The following ZNF326 variants were observed in gnomAD, a reference collection of about 807,000 sequenced individuals.
The protein encoded by ZNF326 is zinc finger protein 326, also known as DBIRD complex subunit ZNF326.
In ZNF326, 30 loss-of-function variants were observed where a neutral mutation model predicts 63.1. The ratio of observed to expected loss-of-function variants is 0.48; its 90% CI spans 0.36 to 0.64. The LOEUF (loss-of-function observed/expected upper bound fraction) is 0.64. ZNF326 is among the 30% of genes least tolerant of loss of function. ZNF326 has a pLI of 0.00. For missense variants in ZNF326, 609 were observed against 720.3 expected (o/e 0.85, Z 1.77); for synonymous variants, 194 against 228.2 (o/e 0.85, Z 1.35).
chr1:90,017,674 C>T (rs1570313739), intron 8 of ZNF326, among the ~76,000 whole-genome samples: 1 of 152,296 alleles, frequency 6.6e-6, no homozygotes, highest in East Asian at 1.9e-4. Flanking sequence ...TTACATTTTT[C>T]ACAGTTTCTG....
intron 11 of ZNF326, among the ~76,000 whole-genome samples, chr1:90,024,459 G>T (rs2816879): frequency 6.6e-6 from 1 of 152,048 alleles, no homozygotes; most frequent in Admixed American, 6.5e-5. Flanking sequence ...GGAATTGTGC[G>T]TGCCAGTCCT....
Position 90,027,506 on chromosome 1 carries a change from G to T in ZNF326, c.1554G>T (p.Val518=). Residue 518 remains valine, a synonymous_variant, in exon 12 of 12, where the codon GTG becomes GTT. Transcript: ENST00000340281. ...EAEEVGEVEE[V]EEVEEVREGG... Reference sequence around the variant, plus strand: ...AGGAAGTGGGGGAAGTAGAGGAAGTGGAAGAAGTAGAGGAAGTGAGAGAAG... The same window carrying T: ...AGGAAGTGGGGGAAGTAGAGGAAGTTGAAGAAGTAGAGGAAGTGAGAGAAG... 7 of 1,612,748 alleles carry T rather than the reference G, an allele frequency of 4.3e-6. No individual in the cohort carries two copies. Among genetic ancestry groups the T allele is most frequent in the Non-Finnish European group, 5.9e-6 (7 of 1,179,414 alleles).
chr1:90,018,734 CAAAT>C lies in ZNF326; in HGVS notation c.1127_1130del (p.Asn376IlefsTer5), dbSNP rs1649618533. 1.9e-6 allele frequency: 3 copies of C among 1,578,458 alleles called. No homozygotes were observed. The highest frequency in any genetic ancestry group is 2.3e-5 in the East Asian group (1 of 43,656). ...AAAACATCTATTCGTAAGCAACAGA[CAAAT>C]AATCAAACAGAAGTAGTTAAAATAA... On this transcript the variant is annotated frameshift_variant, in exon 9 of 12. Transcript: ENST00000340281. LOFTEE classifies it high-confidence loss of function.
At chr1:90,010,823 A>G (rs1649200108) in intron 6 of ZNF326, among the ~76,000 whole-genome samples, 1 of 152,172 alleles carries the variant, frequency 6.6e-6, no homozygotes, top group Non-Finnish European at 1.5e-5. Flanking sequence ...ATAATATAAA[A>G]TTTGAAAAAG....
At chr1:90,014,547 A>G (rs1243970836) in intron 7 of ZNF326, among the ~76,000 whole-genome samples, 1 of 152,234 alleles carries the variant, frequency 6.6e-6, no homozygotes, top group East Asian at 1.9e-4. Flanking sequence ...TGGTCAAAGG[A>G]CGCTTAAAAT....
Position 90,027,344 on chromosome 1 carries a change from A to G in ZNF326, c.1402-10A>G, listed in dbSNP as rs1650057942. On this transcript the variant is annotated splice_polypyrimidine_tract_variant and intron_variant, in intron 11 of 11. Coordinates refer to ENST00000340281, the MANE Select transcript of ZNF326 (RefSeq NM_182976.4). ...GTGCTGATTTTGAAAGCCATTTCTT[A>G]TGTTTTTAGGGTGAGAATCCTTTTG... The G allele has an allele frequency of 6.2e-7, 1 of 1,610,734 alleles. No homozygotes were observed.
chr1:90,012,679 C>G (rs952127033), intron 6 of ZNF326, among the ~76,000 whole-genome samples: 1 of 152,106 alleles, frequency 6.6e-6, no homozygotes, highest in Non-Finnish European at 1.5e-5. Context: ...AAGAAACTTT[C>G]TGAGAGCTCC....
chr1:89,995,410 A>T, intron 1 of ZNF326, 137 bp downstream of exon 1: 3 of 1,200,900 alleles, frequency 2.5e-6, no homozygotes, highest in South Asian at 1.7e-5. Flanking sequence ...CCCCGGGCCC[A>T]GCGCCCGGAG....
In ZNF326 at chr1:89,998,137, C is replaced by T. The variant is rs1195156282; in HGVS notation, c.44C>T (p.Thr15Ile). The T allele has an allele frequency of 6.2e-7, 1 of 1,613,084 alleles. No individual in the cohort carries two copies. The highest frequency in any genetic ancestry group is 8.5e-7 in the Non-Finnish European group (1 of 1,179,828). ...DDYTHSACRN[T>I]YQGFNGMDRD... ...TACACACACTCCGCCTGCAGGAATA[C>T]TTATCAGGGCTTTAATGGTAAGTAT... The change falls in exon 2 of 12, where the codon ACT becomes ATT. Residue 15 changes from threonine to isoleucine, a missense_variant. Thr to Ile is a moderately conservative substitution (Grantham distance 89). Coordinates refer to ENST00000340281, the MANE Select transcript of ZNF326 (RefSeq NM_182976.4).
intron 7 of ZNF326, among the ~76,000 whole-genome samples, chr1:90,015,577 G>A (rs1049814701): frequency 6.6e-5 from 10 of 152,172 alleles, no homozygotes; most frequent in African/African-American, 2.2e-4. Context: ...CCACTTGGGA[G>A]GCTGAGGTAG....
At chr1:90,005,267 C>T (rs1169481652) in intron 4 of ZNF326, 23 bp downstream of exon 4, 24 of 1,601,026 alleles carry the variant, frequency 1.5e-5, no homozygotes, top group Non-Finnish European at 2.0e-5. Context: ...ATCATTTGGC[C>T]AAATAATTAG....
rs1347781689 is a variant in ZNF326, at chr1:90,007,108, T to G, written c.210-237T>G. 6.6e-6 allele frequency among the ~76,000 whole-genome samples: 1 copy of G among 152,228 alleles called. No individual in the cohort carries two copies. The highest frequency in any genetic ancestry group is 1.5e-5 in the Non-Finnish European group (1 of 68,034). On this transcript the variant is annotated intron_variant, in intron 4 of 11. Transcript: ENST00000340281. This position sits in a 1 kb window ranked among gnomAD's most constrained non-coding sequence, Gnocchi z 4.9. ...AGAAAAGCTGCTAAGAAGCAGATTT[T>G]AAAGCTAAGTTTTACTAAACTCAAT... is the stretch of plus-strand genomic sequence containing the variant.
At chr1:90,001,990 A>C (rs1012631156) in intron 2 of ZNF326, among the ~76,000 whole-genome samples, 2 of 152,150 alleles carry the variant, frequency 1.3e-5, no homozygotes, top group Non-Finnish European at 2.9e-5. Context: ...ATTTGATTTA[A>C]ATTATTAGGT....
At chr1:90,021,057 C>G in intron 10 of ZNF326, 135 bp downstream of exon 10, 6 of 936,782 alleles carry the variant, frequency 6.4e-6, no homozygotes, top group Non-Finnish European at 9.5e-6. Context: ...TAAGTATACT[C>G]AGAGAGGCAG....
At chr1:90,005,847 A>G in intron 4 of ZNF326, 3 of 985,482 alleles carry the variant, frequency 3.0e-6, no homozygotes, top group South Asian at 4.7e-5. Context: ...GGCTAGAAGC[A>G]TTGTATTAAA....
At chr1:89,996,413 C>T (rs2101043904) in intron 1 of ZNF326, among the ~76,000 whole-genome samples, 1 of 152,276 alleles carries the variant, frequency 6.6e-6, no homozygotes, top group East Asian at 1.9e-4. Flanking sequence ...AGAATTAAAG[C>T]TTTCATATCT....
At chr1:90,018,160 C>T (rs1015515598) in intron 8 of ZNF326, among the ~76,000 whole-genome samples, 15 of 151,936 alleles carry the variant, frequency 9.9e-5, no homozygotes, top group African/African-American at 1.7e-4. Flanking sequence ...GGCGTGGTGG[C>T]GCGTGCCTGT....
intron 7 of ZNF326, among the ~76,000 whole-genome samples, chr1:90,014,104 CA>C (rs1649383370): frequency 6.6e-6 from 1 of 150,466 alleles, no homozygotes; most frequent in African/African-American, 2.4e-5. Flanking sequence ...AATGAAATAA[CA>C]ACAAAAATCA....
In ZNF326 at chr1:90,005,234, G is replaced by A. The variant is rs1209737529; in HGVS notation, c.199G>A (p.Gly67Arg). 1.9e-6 allele frequency: 3 copies of A among 1,610,516 alleles called. No individual in the cohort carries two copies. Among genetic ancestry groups the A allele is most frequent in the Non-Finnish European group, 2.5e-6 (3 of 1,178,988 alleles). ...CATGGACAATCACAGTGGTGGTGGT[G>A]GGGGTAGCAGGTAAATTGCTTAATC... ...YGMDNHSGGG[G>R]GSRFGPYESY... Residue 67 changes from glycine (G) to arginine (R), a missense_variant, in exon 4 of 12, where the codon GGG (glycine) becomes AGG (arginine). Gly to Arg is a moderately radical substitution (Grantham distance 125). Transcript: ENST00000340281.
Sources: gnomAD v4.1 joint callset for allele counts (sites outside exome capture counted in the v4.1 genomes callset) on GRCh38, gnomAD v4.1.1 for gene constraint, Gnocchi (gnomAD v3.1) non-coding constraint, MANE v1.5 for transcripts, NCBI Gene and HGNC (gene_info 2026-07-23, HGNC 2026-07-21) for gene names.